The following FGFR2 variants were observed in gnomAD, a reference collection of about 807,000 sequenced individuals.
FGFR2 encodes fibroblast growth factor receptor 2.
In FGFR2, 19 loss-of-function variants were observed where a neutral mutation model predicts 95.9. The observed-to-expected ratio is 0.20, with a 90% CI of 0.14 to 0.29. FGFR2 has a LOEUF of 0.29. Among genes scored for constraint, FGFR2 ranks in the 10% least tolerant of loss-of-function variants. The pLI is 1.00. For synonymous variants in FGFR2, 392 were observed against 393.3 expected (o/e 1.00, Z 0.04); for missense variants, 707 against 1,056.9 (o/e 0.67, Z 4.59).
In FGFR2 at chr10:121,503,412, C is replaced by T. The variant is rs3135776; in HGVS notation, c.1439+378G>A. Reference sequence around the variant, plus strand: ...TTATATTCTGCATCTAATTTCTCCACAGAAGTGAACAGAGAACAGTCTTGT... The same window carrying T: ...TTATATTCTGCATCTAATTTCTCCATAGAAGTGAACAGAGAACAGTCTTGT... On this transcript the variant is annotated intron_variant, in intron 10 of 17. Transcript: ENST00000358487. Among the ~76,000 whole-genome samples, 458 of 152,348 alleles carry T rather than the reference C, an allele frequency of 3.0e-3. 10 individuals carry two copies. The highest frequency in any genetic ancestry group is 0.027 in the Admixed American group (408 of 15,310).
intron 17 of FGFR2, among the ~76,000 whole-genome samples, chr10:121,480,929 AAAG>A (rs750401075): frequency 7.2e-5 from 11 of 152,286 alleles, no homozygotes; most frequent in South Asian, 4.2e-4. Context: ...AAAAAAATCA[AAAG>A]AAGAAGAATA....
chr10:121,504,905 G>C lies in FGFR2; in HGVS notation c.1288-964C>G, dbSNP rs74547347. ...ACTACGCAATCTTAGTCTGACCACA[G>C]GCTGCTTGAACACTGTCTTATTCTA... On this transcript the variant is annotated intron_variant, in intron 9 of 17. Coordinates refer to ENST00000358487, the MANE Select transcript of FGFR2 (RefSeq NM_000141.5). 9.9e-3 allele frequency among the ~76,000 whole-genome samples: 1,505 copies of C among 152,274 alleles called. 21 individuals carry two copies. Among genetic ancestry groups the C allele is most frequent in the Admixed American group, 0.021 (319 of 15,300 alleles).
chr10:121,528,348 T>C (rs1851657458), intron 6 of FGFR2, among the ~76,000 whole-genome samples: 1 of 152,206 alleles, frequency 6.6e-6, no homozygotes, highest in African/African-American at 2.4e-5. Context: ...AACAATCATA[T>C]TGTTTAATAT....
chr10:121,587,798 T>C (rs954811183), intron 2 of FGFR2, among the ~76,000 whole-genome samples: 1 of 152,120 alleles, frequency 6.6e-6, no homozygotes, highest in Non-Finnish European at 1.5e-5. Context: ...TTAGTAGGAG[T>C]GCAAATTAGC....
intron 2 of FGFR2, among the ~76,000 whole-genome samples, chr10:121,574,919 CTCTT>C (rs1300094361): frequency 8.5e-5 from 13 of 152,244 alleles, no homozygotes; most frequent in Non-Finnish European, 1.8e-4. Flanking sequence ...GTGCAGTCCT[CTCTT>C]TCTAACCAGT....
chr10:121,479,562 C>G lies in FGFR2; in HGVS notation c.*295G>C, dbSNP rs1844401583. The G allele has an allele frequency of 3.9e-6, 6 of 1,531,460 alleles. No individual in the cohort carries two copies. In the East Asian group the frequency reaches 1.2e-4, roughly 31 times the overall value. 94.9% of individuals were successfully genotyped at this position (1,531,460 alleles called of 1,614,324 possible). A position where few individuals can be genotyped will look rare whatever the true frequency, so the allele number is the denominator to read the frequency against. ...TACAAAATTAACAAGGAAGGCAGAACGCACGTCCACCTTGAGTCCTACTGG... is the reference window on the plus strand; with the variant it reads ...TACAAAATTAACAAGGAAGGCAGAAGGCACGTCCACCTTGAGTCCTACTGG... On this transcript the variant is annotated 3_prime_UTR_variant, in exon 18 of 18. Transcript: ENST00000358487.
intron 14 of FGFR2, 89 bp downstream of exon 14, chr10:121,487,902 C>T (rs1845626057): frequency 1.3e-6 from 2 of 1,551,606 alleles, no homozygotes; most frequent in African/African-American, 1.4e-5. Flanking sequence ...AGCCATCCCA[C>T]CCAGCTCTCA....
At position 121,565,523 on chromosome 10, in the gene FGFR2, G is replaced by A. The variant is rs2135114699; in HGVS notation, c.291C>T (p.Ala97=). 1 of 1,614,212 alleles carries A rather than the reference G, an allele frequency of 6.2e-7. No homozygotes were observed. The highest frequency in any genetic ancestry group is 8.5e-7 in the Non-Finnish European group (1 of 1,180,044). Residue 97 remains alanine, a synonymous_variant, in exon 3 of 18, where the codon GCC becomes GCT. Coordinates refer to ENST00000358487, the MANE Select transcript of FGFR2 (RefSeq NM_000141.5). ...LIGEYLQIKG[A]TPRDSGLYAC... is the part of the protein sequence containing the mutation. ...CATAGAGGCCGGAGTCTCTAGGCGT[G>A]GCGCCCTTTATCTGCAAGTACTCCC...
chr10:121,518,906 C>T lies in FGFR2; in HGVS notation c.939+1073G>A, dbSNP rs1850098840. 2 of 1,571,542 alleles carry T rather than the reference C, an allele frequency of 1.3e-6. No individual in the cohort carries two copies. The highest frequency in any genetic ancestry group is 8.8e-7 in the Non-Finnish European group (1 of 1,142,852). ...ATTGTCTATGGTCCCACCACCAACA[C>T]ACCGCAAGAAAACAAACTCCATTAC... On this transcript the variant is annotated intron_variant, in intron 7 of 17. Transcript: ENST00000358487. The surrounding 1 kb of genome is among the most constrained non-coding windows in gnomAD (Gnocchi z 4.0).
intron 6 of FGFR2, among the ~76,000 whole-genome samples, chr10:121,530,647 C>T (rs376595131): frequency 7.2e-5 from 11 of 152,088 alleles, no homozygotes; most frequent in African/African-American, 2.4e-4. Context: ...TGAGGTCTTT[C>T]GGTTTACAAA....
At chr10:121,489,419 GTC>G (rs1845849589) in intron 13 of FGFR2, among the ~76,000 whole-genome samples, 1 of 152,034 alleles carries the variant, frequency 6.6e-6, no homozygotes, top group Non-Finnish European at 1.5e-5. Flanking sequence ...CTGCCTCTCT[GTC>G]TCTCCCTGCC....
In FGFR2 at chr10:121,485,256, T is replaced by G; in HGVS notation, c.2195+139A>C. 1 of 1,131,278 alleles carries G rather than the reference T, an allele frequency of 8.8e-7. No individual in the cohort carries two copies. Among genetic ancestry groups the G allele is most frequent in the South Asian group, 1.2e-5 (1 of 80,308 alleles). 70.1% of individuals were successfully genotyped at this position (1,131,278 alleles called of 1,614,324 possible). A position where few individuals can be genotyped will look rare whatever the true frequency, so the allele number is the denominator to read the frequency against. On this transcript the variant is annotated intron_variant, in intron 16 of 17. Coordinates refer to ENST00000358487, the MANE Select transcript of FGFR2 (RefSeq NM_000141.5). This position sits in a 1 kb window ranked among gnomAD's most constrained non-coding sequence, Gnocchi z 4.2. ...GTCGCTATGTATCCCAGCTCTGGAT[T>G]GAGCCCAGAGAGCTTCAGCCATTCT...
At chr10:121,563,413 G>A (rs1270194638) in intron 4 of FGFR2, among the ~76,000 whole-genome samples, 1 of 151,950 alleles carries the variant, frequency 6.6e-6, no homozygotes, top group Admixed American at 6.6e-5. Flanking sequence ...AGCCGGGTGT[G>A]GTATATTACT....
chr10:121,487,047 A>G (rs894903712), intron 15 of FGFR2, among the ~76,000 whole-genome samples: 1 of 152,240 alleles, frequency 6.6e-6, no homozygotes, highest in African/African-American at 2.4e-5. Context: ...AGAACATGCC[A>G]AGAGCTTGGC....
chr10:121,541,779 T>C (rs1243255710), intron 5 of FGFR2, among the ~76,000 whole-genome samples: 1 of 152,224 alleles, frequency 6.6e-6, no homozygotes, highest in Non-Finnish European at 1.5e-5. Flanking sequence ...TTGGTGAATG[T>C]GTAGGGAAAT....
chr10:121,548,060 G>A (rs1402268171), intron 5 of FGFR2, among the ~76,000 whole-genome samples: 8 of 151,982 alleles, frequency 5.3e-5, no homozygotes, highest in South Asian at 2.1e-4. Context: ...CAAAATGAAC[G>A]TTCAATGCCA....
At chr10:121,571,876 G>A (rs1455110879) in intron 2 of FGFR2, among the ~76,000 whole-genome samples, 2 of 151,784 alleles carry the variant, frequency 1.3e-5, no homozygotes, top group African/African-American at 4.8e-5. Flanking sequence ...CCAGAAGCTG[G>A]AGGTTGTGGT....
intron 9 of FGFR2, among the ~76,000 whole-genome samples, chr10:121,514,073 G>A (rs1849383039): frequency 6.6e-6 from 1 of 152,080 alleles, no homozygotes; most frequent in Admixed American, 6.6e-5. Context: ...CAGATTCCTG[G>A]CCCTATCCAA....
chr10:121,512,157 C>A lies in FGFR2; in HGVS notation c.1287+2960G>T, dbSNP rs561803928. 2.9e-4 allele frequency among the ~76,000 whole-genome samples: 44 copies of A among 152,274 alleles called. No homozygotes were observed. In the South Asian group the frequency reaches 5.2e-3, roughly 18 times the overall value. ...ATGCCTAGAAACAACCCATCCTTGA[C>A]ACATCTGATTAGAGGCTCAGGTAAA... On this transcript the variant is annotated intron_variant, in intron 9 of 17. Transcript: ENST00000358487.
Sources: allele counts gnomAD v4.1 joint callset (sites outside exome capture counted in the v4.1 genomes callset), GRCh38; gene constraint gnomAD v4.1.1; non-coding constraint Gnocchi (gnomAD v3.1); transcripts MANE v1.5; gene names NCBI Gene and HGNC (gene_info 2026-07-23, HGNC 2026-07-21).